The following MIOS variants were observed in gnomAD, a reference collection of about 807,000 sequenced individuals.
MIOS encodes the protein GATOR2 complex protein MIOS.
In MIOS, 52 loss-of-function variants were observed where a neutral mutation model predicts 96.9. The observed-to-expected ratio is 0.54, with a 90% confidence interval of 0.43 to 0.68. The LOEUF (loss-of-function observed/expected upper bound fraction) is 0.68. Among genes scored for constraint, MIOS ranks in the 30% least tolerant of loss-of-function variants. The pLI is 0.00. For missense variants in MIOS, 1,005 were observed against 1,052.8 expected (o/e 0.95, Z 0.63); for synonymous variants, 397 against 359.5 (o/e 1.10, Z -1.18).
intron 2 of MIOS, among the ~76,000 whole-genome samples, 164 bp from the exon 3 acceptor site, chr7:7,567,862 C>A (rs1342306646): frequency 3.9e-5 from 6 of 152,168 alleles, no homozygotes; most frequent in Admixed American, 2.6e-4. Flanking sequence ...ACGTAAAAAT[C>A]CTCAATAATT....
At chr7:7,585,596 T>C (rs374985625) in intron 6 of MIOS, 40 bp from the exon 7 acceptor site, 157 of 1,521,700 alleles carry the variant, frequency 1.0e-4, no homozygotes, top group Non-Finnish European at 1.3e-4. Context: ...GATATTAAGC[T>C]TTTGATCACT....
intron 5 of MIOS, among the ~76,000 whole-genome samples, chr7:7,582,349 T>C (rs1251566103): frequency 6.6e-6 from 1 of 152,216 alleles, no homozygotes; most frequent in Admixed American, 6.5e-5. Context: ...TTTGTTATTA[T>C]AGTTCTTAAG....
chr7:7,575,314 TG>T (rs1001334916), intron 5 of MIOS, among the ~76,000 whole-genome samples: 1 of 152,140 alleles, frequency 6.6e-6, no homozygotes, highest in African/African-American at 2.4e-5. Flanking sequence ...TACATTATAG[TG>T]TTTTTTTAAC....
At chr7:7,577,551 T>C (rs1170916964) in intron 5 of MIOS, among the ~76,000 whole-genome samples, 1 of 152,160 alleles carries the variant, frequency 6.6e-6, no homozygotes, top group Non-Finnish European at 1.5e-5. Flanking sequence ...AAATGCTAAT[T>C]GAAGGAAGCC....
In MIOS at chr7:7,596,389, G is replaced by A. The variant is rs1428503364; in HGVS notation, c.2329G>A (p.Gly777Ser). ...PTKSKVTSCP[G>S]CRKPLPRCAL... ...GAAATCTAAAGTCACAAGTTGTCCT[G>A]GCTGTCGAAAACCACTTCCTCGATG... Residue 777 changes from glycine to serine, a missense_variant, in exon 11 of 13, where the codon GGC becomes AGC. This residue lies in a region of MIOS where 865 missense variants were observed against 887.9 expected (regional missense o/e 0.97). Transcript: ENST00000340080. The A allele has an allele frequency of 6.2e-7, 1 of 1,614,106 alleles. No homozygotes were observed. The highest frequency in any genetic ancestry group is 8.5e-7 in the Non-Finnish European group (1 of 1,180,014).
At chr7:7,571,271 AG>A (rs1283355051) in intron 3 of MIOS, among the ~76,000 whole-genome samples, 1 of 152,232 alleles carries the variant, frequency 6.6e-6, no homozygotes, top group Non-Finnish European at 1.5e-5. Context: ...TTTTAACTAT[AG>A]CTATATTTAG....
chr7:7,595,132 A>G lies in MIOS; in HGVS notation c.2196A>G (p.Gln732=), dbSNP rs757886698. Residue 732 remains glutamine, a splice_region_variant and synonymous_variant, in exon 10 of 13, where the codon CAA becomes CAG. Coordinates refer to ENST00000340080, the MANE Select transcript of MIOS (RefSeq NM_019005.4). ...KLDPSSKPLA[Q]VFVSCNFCGK... is the part of the protein sequence containing the mutation. ...ATCCCAGTTCCAAGCCTTTAGCACAAGTAAGTACATTGTTTTGGAGAAAAT... is the reference window on the plus strand; with the variant it reads ...ATCCCAGTTCCAAGCCTTTAGCACAGGTAAGTACATTGTTTTGGAGAAAAT... 3 of 1,606,232 alleles carry G rather than the reference A, an allele frequency of 1.9e-6. No homozygotes were observed. The highest frequency in any genetic ancestry group is 2.2e-5 in the South Asian group (2 of 89,232).
Position 7,572,437 on chromosome 7 carries a change from G to A in MIOS, c.-39G>A, listed in dbSNP as rs1783385853. 1 of 1,449,616 alleles carries A rather than the reference G, an allele frequency of 6.9e-7. No individual in the cohort carries two copies. Among genetic ancestry groups the A allele is most frequent in the East Asian group, 2.3e-5 (1 of 43,340 alleles). The allele number at this position is 1,449,616 out of a possible 1,614,324, so 89.8% of individuals were successfully genotyped here. ...CTTTTTATTTTTAAACATTTTCAGTGAATGGACCTGAGTGGACCCTTTGAT... is the reference window on the plus strand; with the variant it reads ...CTTTTTATTTTTAAACATTTTCAGTAAATGGACCTGAGTGGACCCTTTGAT... On this transcript the variant is annotated splice_region_variant and 5_prime_UTR_variant, in exon 4 of 13. Transcript: ENST00000340080. The surrounding 1 kb of genome is among the most constrained non-coding windows in gnomAD (Gnocchi z 4.8).
Position 7,607,248 on chromosome 7 carries a change from T to C in MIOS, c.*156T>C. ...ATCAGCAGTTTTGATGTTTGAGTGA[T>C]TTTGATATGCTTCACAGAGACAAAT... On this transcript the variant is annotated 3_prime_UTR_variant, in exon 13 of 13. Coordinates refer to ENST00000340080, the MANE Select transcript of MIOS (RefSeq NM_019005.4). 3 of 560,890 alleles carry C rather than the reference T, an allele frequency of 5.3e-6. No homozygotes were observed. Among genetic ancestry groups the C allele is most frequent in the Non-Finnish European group, 9.2e-6 (3 of 325,316 alleles). The allele number at this position is 560,890 out of a possible 1,614,324, so 34.7% of individuals were successfully genotyped here. A position where few individuals can be genotyped will look rare whatever the true frequency, so the allele number is the denominator to read the frequency against.
intron 11 of MIOS, among the ~76,000 whole-genome samples, chr7:7,601,113 C>A (rs946509272): frequency 3.9e-5 from 6 of 152,062 alleles, no homozygotes; most frequent in African/African-American, 1.2e-4. Flanking sequence ...CGAGAGTAAG[C>A]AGGAAAGATC....
rs759085603 is a variant in MIOS, at chr7:7,573,589, C to T, written c.1114C>T (p.Arg372Cys). ...TACATCTTTAATGTGGGCTTGTGGT[C>T]GTCATTTATATGAATGTACGGAAGA... ...PITSLMWACG[R>C]HLYECTEEEN... The change falls in exon 4 of 13, where the codon CGT (arginine) becomes TGT (cysteine). Residue 372 changes from arginine (R) to cysteine (C), a missense_variant. Transcript: ENST00000340080. The surrounding 1 kb of genome is among the most constrained non-coding windows in gnomAD (Gnocchi z 5.0). The T allele has an allele frequency of 5.6e-6, 9 of 1,613,752 alleles. No individual in the cohort carries two copies. The highest frequency in any genetic ancestry group is 6.8e-6 in the Non-Finnish European group (8 of 1,179,908).
Position 7,573,099 on chromosome 7 carries a change from A to G in MIOS, c.624A>G (p.Leu208=), listed in dbSNP as rs1020044101. 45 of 1,613,974 alleles carry G rather than the reference A, an allele frequency of 2.8e-5. No individual in the cohort carries two copies. Among genetic ancestry groups the G allele is most frequent in the Non-Finnish European group, 3.6e-5 (42 of 1,179,986 alleles). Residue 208 remains leucine (L), a synonymous_variant, in exon 4 of 13, where the codon CTA becomes CTG. Coordinates refer to ENST00000340080, the MANE Select transcript of MIOS (RefSeq NM_019005.4). This position sits in a 1 kb window ranked among gnomAD's most constrained non-coding sequence, Gnocchi z 5.0. ...KLLLAGMHRN[L]AIFDLRNTSQ... Reference sequence around the variant, plus strand: ...TCCTTGCTGGTATGCATCGTAACCTAGCTATATTTGATCTTCGGAATACAA... The same window carrying G: ...TCCTTGCTGGTATGCATCGTAACCTGGCTATATTTGATCTTCGGAATACAA...
At chr7:7,592,848 G>A (rs1308884363) in intron 9 of MIOS, among the ~76,000 whole-genome samples, 1 of 152,202 alleles carries the variant, frequency 6.6e-6, no homozygotes, top group East Asian at 1.9e-4. Flanking sequence ...CTCCTGCTGT[G>A]TGACCCAGTT....
intron 9 of MIOS, among the ~76,000 whole-genome samples, chr7:7,594,093 G>C (rs1387396934): frequency 6.6e-6 from 1 of 151,930 alleles, no homozygotes; most frequent in Non-Finnish European, 1.5e-5. Context: ...GAACTAAGAA[G>C]GTATTTGGTT....
At chr7:7,592,446 T>C (rs1037276350) in intron 9 of MIOS, among the ~76,000 whole-genome samples, 1 of 152,204 alleles carries the variant, frequency 6.6e-6, no homozygotes, top group Non-Finnish European at 1.5e-5. Context: ...CCAGGGACTT[T>C]TTAGCACCAG....
At chr7:7,597,508 ATATAT>A (rs1563041084) in intron 11 of MIOS, among the ~76,000 whole-genome samples, 8 of 59,688 alleles carry the variant, frequency 1.3e-4, no homozygotes, top group East Asian at 4.2e-4. Context: ...ATATATATAT[ATATAT>A]ATATGAAGGC....
chr7:7,577,761 A>G (rs1180839332), intron 5 of MIOS, among the ~76,000 whole-genome samples: 4 of 152,146 alleles, frequency 2.6e-5, no homozygotes, highest in South Asian at 2.1e-4. Context: ...TTCCCATTTT[A>G]TGGCTGCTGT....
chr7:7,585,583 A>G (rs1347686700), intron 6 of MIOS, 53 bp from the exon 7 acceptor site: 2 of 1,443,382 alleles, frequency 1.4e-6, no homozygotes, highest in Non-Finnish European at 1.9e-6. Flanking sequence ...GAAATGTAGA[A>G]GAGATATTAA....
intron 11 of MIOS, among the ~76,000 whole-genome samples, chr7:7,600,555 A>C (rs896083633): frequency 2.0e-5 from 3 of 152,222 alleles, no homozygotes; most frequent in Non-Finnish European, 4.4e-5. Context: ...AGGAGCACCC[A>C]GATTCATAAA....
Sources: gnomAD v4.1 joint callset for allele counts (sites outside exome capture counted in the v4.1 genomes callset) on GRCh38, gnomAD v4.1.1 for gene constraint, gnomAD v4.1.1 regional missense constraint, Gnocchi (gnomAD v3.1) non-coding constraint, MANE v1.5 for transcripts, NCBI Gene and HGNC (gene_info 2026-07-23, HGNC 2026-07-21) for gene names.